WWOX: variants seen among roughly 807,000 people sequenced by gnomAD.
WWOX encodes WW domain containing oxidoreductase, also known as WW domain-containing oxidoreductase.
Under a neutral mutation model 46.2 loss-of-function variants are expected in WWOX, and 69 were observed. That is an observed-to-expected ratio of 1.49 (90% confidence interval 1.23 to 1.82). The LOEUF (loss-of-function observed/expected upper bound fraction) is 1.82, where lower values mean the gene tolerates loss of function less well. Ranked by LOEUF, WWOX falls within the 40% of genes most tolerant of loss-of-function variation. The pLI is 0.00. For missense variants in WWOX, 919 were observed against 542.6 expected (o/e 1.69, Z -6.89); for synonymous variants, 359 against 202.6 (o/e 1.77, Z -6.56).
At chr16:78,349,248 A>AT (rs2151905024) in intron 5 of WWOX, among the ~76,000 whole-genome samples, 1 of 119,920 alleles carries the variant, frequency 8.3e-6, no homozygotes, top group South Asian at 2.5e-4. Flanking sequence ...CACCACTCAG[A>AT]TTGCAATAGG....
chr16:78,370,189 C>G (rs1179834837), intron 5 of WWOX, among the ~76,000 whole-genome samples: 2 of 146,992 alleles, frequency 1.4e-5, no homozygotes, highest in Admixed American at 6.8e-5. Flanking sequence ...GGGTGCATAT[C>G]TTTGCTCCAA....
At chr16:78,241,882 C>T (rs766787722) in intron 5 of WWOX, among the ~76,000 whole-genome samples, 1 of 152,170 alleles carries the variant, frequency 6.6e-6, no homozygotes, top group Non-Finnish European at 1.5e-5. Flanking sequence ...ACAGCATTGC[C>T]TGGCAGCGTC....
In WWOX at chr16:78,228,552, G is replaced by T. The variant is rs987741858; in HGVS notation, c.516+64263G>T. On this transcript the variant is annotated intron_variant, in intron 5 of 8. Coordinates refer to ENST00000566780, the MANE Select transcript of WWOX (RefSeq NM_016373.4). ...AGACAGGGTTTCACCACATTGCCCA[G>T]GCAGGTCTCAAACTCCCGGGCTCAA... Among the ~76,000 whole-genome samples, 3 of 152,048 alleles carry T rather than the reference G, an allele frequency of 2.0e-5. No homozygotes were observed. In the East Asian group the frequency reaches 5.8e-4, roughly 29 times the overall value.
Position 78,730,048 on chromosome 16 carries a change from T to C in WWOX, c.1056+297296T>C, listed in dbSNP as rs147260748. On this transcript the variant is annotated intron_variant, in intron 8 of 8. Coordinates refer to ENST00000566780, the MANE Select transcript of WWOX (RefSeq NM_016373.4). ...TTCTTATGATAAGTAACAGTGACTT[T>C]GATATATCCATTTTTTAGTTGTGTA... Among the ~76,000 whole-genome samples, 742 of 152,308 alleles carry C rather than the reference T, an allele frequency of 4.9e-3. 6 individuals are homozygous for C. Among genetic ancestry groups the C allele is most frequent in the African/African-American group, 0.017 (712 of 41,572 alleles).
At chr16:78,332,248 C>A (rs182271041) in intron 5 of WWOX, among the ~76,000 whole-genome samples, 5 of 152,240 alleles carry the variant, frequency 3.3e-5, no homozygotes, top group Admixed American at 2.0e-4. Context: ...ATCCCAGATC[C>A]CAGATGGATC....
Position 78,615,753 on chromosome 16 carries a change from AT to A in WWOX, c.1056+183016del, listed in dbSNP as rs57166697. On this transcript the variant is annotated intron_variant, in intron 8 of 8. Transcript: ENST00000566780. The stretch of plus-strand genomic sequence containing the variant: ...GCTGTTTTAGGAAATCAATAGGATA[AT>A]TTTTTTTTTTTTTTGAGGCGGAGTC... Among the ~76,000 whole-genome samples, 616 of 144,680 alleles carry A rather than the reference AT, an allele frequency of 4.3e-3. 7 individuals are homozygous for A. Among genetic ancestry groups the A allele is most frequent in the East Asian group, 0.027 (134 of 4,980 alleles). The allele number at this position is 144,680 out of a possible 152,430, so 94.9% of individuals were successfully genotyped here.
chr16:78,494,948 C>T (rs5019443), intron 8 of WWOX, among the ~76,000 whole-genome samples: 112,511 of 151,682 alleles, frequency 0.74, 44,096 homozygotes, highest in Admixed American at 0.86. Context: ...TGTTGCAACC[C>T]AGCTCACCGC....
At chr16:78,280,851 A>C (rs2079665063) in intron 5 of WWOX, 1 of 152,524 alleles carries the variant, frequency 6.6e-6, no homozygotes, top group South Asian at 2.0e-4. Flanking sequence ...AACTAACATC[A>C]GAATCATCTG....
intron 4 of WWOX, among the ~76,000 whole-genome samples, chr16:78,157,195 G>C (rs904118220): frequency 6.6e-6 from 1 of 152,146 alleles, no homozygotes; most frequent in Admixed American, 6.5e-5. Context: ...CTGGGTGTGT[G>C]AAGTCCCGGG....
intron 8 of WWOX, among the ~76,000 whole-genome samples, chr16:79,097,068 T>G (rs2049091000): frequency 6.6e-6 from 1 of 152,166 alleles, no homozygotes; most frequent in African/African-American, 2.4e-5. Flanking sequence ...TTGGATTTTT[T>G]TTTTTTAACT....
intron 8 of WWOX, among the ~76,000 whole-genome samples, chr16:78,922,399 G>C (rs553964148): frequency 7.0e-6 from 1 of 143,098 alleles, no homozygotes; most frequent in East Asian, 2.1e-4. Flanking sequence ...TTTTTTTTGA[G>C]ACAGTCTCTC....
intron 8 of WWOX, chr16:79,017,486 C>G (rs1443285399): frequency 1.5e-5 from 2 of 130,934 alleles, no homozygotes; most frequent in African/African-American, 5.6e-5. Flanking sequence ...TACAGGTAGG[C>G]TAGAGCACGG....
chr16:78,675,695 C>T (rs1176908230), intron 8 of WWOX, among the ~76,000 whole-genome samples: 1 of 152,124 alleles, frequency 6.6e-6, no homozygotes, highest in African/African-American at 2.4e-5. Flanking sequence ...GACTTTCTGG[C>T]CAGGCGCAGT....
chr16:78,387,723 C>G (rs1376108162), intron 6 of WWOX, among the ~76,000 whole-genome samples: 1 of 152,024 alleles, frequency 6.6e-6, no homozygotes, highest in African/African-American at 2.4e-5. Flanking sequence ...TTAGGGCAGG[C>G]AATCCTGGTT....
chr16:78,532,124 A>G (rs1352575293), intron 8 of WWOX, among the ~76,000 whole-genome samples: 1 of 151,344 alleles, frequency 6.6e-6, no homozygotes, highest in Non-Finnish European at 1.5e-5. Context: ...CAGATTCTGA[A>G]TTTAGTTAGA....
intron 4 of WWOX, among the ~76,000 whole-genome samples, chr16:78,124,785 T>G (rs1321934357): frequency 2.0e-5 from 3 of 152,184 alleles, no homozygotes; most frequent in Admixed American, 2.0e-4. Context: ...CTTTTTGTGA[T>G]TTTTGGAGCC....
chr16:78,873,875 G>C (rs2044178929), intron 8 of WWOX, among the ~76,000 whole-genome samples: 1 of 152,140 alleles, frequency 6.6e-6, no homozygotes, highest in Non-Finnish European at 1.5e-5. Context: ...TGGGAGTATA[G>C]CGAGGGGCAA....
At chr16:78,593,679 G>C (rs1461352902) in intron 8 of WWOX, among the ~76,000 whole-genome samples, 2 of 151,832 alleles carry the variant, frequency 1.3e-5, no homozygotes, top group African/African-American at 4.8e-5. Flanking sequence ...CCTGCTGCTT[G>C]GCAGCATCTT....
At chr16:79,160,128 C>T (rs375241914) in intron 8 of WWOX, among the ~76,000 whole-genome samples, 3 of 152,168 alleles carry the variant, frequency 2.0e-5, no homozygotes, top group East Asian at 1.9e-4. Flanking sequence ...GGCAAGAAGC[C>T]GTTGGAGTGG....
Sources: allele counts gnomAD v4.1 joint callset (sites outside exome capture counted in the v4.1 genomes callset), GRCh38; gene constraint gnomAD v4.1.1; transcripts MANE v1.5; gene names NCBI Gene and HGNC (gene_info 2026-07-23, HGNC 2026-07-21).